Variants in EDA observed in about 807,000 individuals in gnomAD.
EDA encodes the protein ectodysplasin-A.
In EDA, 2 loss-of-function variants were observed where a neutral mutation model predicts 23.6. The observed-to-expected ratio is 0.08, with a 90% CI of 0.03 to 0.27. The LOEUF is 0.27. Ranked by LOEUF, EDA falls within the 10% of genes least tolerant of loss-of-function variation. The pLI, the probability that EDA is intolerant of heterozygous loss-of-function variation, is 1.00. For synonymous variants in EDA, 131 were observed against 132.0 expected (o/e 0.99, Z 0.05); for missense variants, 229 against 324.2 (o/e 0.71, Z 2.26).
At chrX:69,712,856 A>G (rs2012130717) in intron 1 of EDA, among the ~76,000 whole-genome samples, 1 of 111,354 alleles carries the variant, frequency 9.0e-6, no homozygotes, top group Admixed American at 9.5e-5. Flanking sequence ...TGTGCCACAT[A>G]TACACCATGG....
chrX:69,938,064 C>G (rs1569378685), intron 1 of EDA: 1 of 1,100,170 alleles, frequency 9.1e-7, no homozygotes, highest in East Asian at 3.0e-5. Flanking sequence ...AAATGTTATA[C>G]TTGATTGAAG....
chrX:69,784,005 G>C (rs1461520667), intron 1 of EDA, among the ~76,000 whole-genome samples: 2 of 108,018 alleles, frequency 1.9e-5, no homozygotes, highest in Admixed American at 9.9e-5. Context: ...GAGATGGTAT[G>C]TCATTGTGGT....
intron 2 of EDA, among the ~76,000 whole-genome samples, chrX:69,965,413 G>T (rs189275782): frequency 1.9e-3 from 216 of 111,910 alleles, no homozygotes; most frequent in African/African-American, 6.8e-3. Flanking sequence ...AAGGCAATGG[G>T]GAAGTACAGG....
intron 1 of EDA, among the ~76,000 whole-genome samples, chrX:69,652,095 A>G (rs1023813319): frequency 1.8e-5 from 2 of 111,682 alleles, no homozygotes; most frequent in Non-Finnish European, 3.8e-5. Context: ...AGCAGCATTT[A>G]GTACCTGTTT....
chrX:69,973,489 T>C (rs776305604), intron 2 of EDA, among the ~76,000 whole-genome samples: 2 of 111,808 alleles, frequency 1.8e-5, no homozygotes, highest in South Asian at 7.7e-4. Flanking sequence ...ACAGTGTTTC[T>C]TGGGCCTTCA....
At chrX:69,787,035 C>T (rs1276866525) in intron 1 of EDA, among the ~76,000 whole-genome samples, 1 of 102,540 alleles carries the variant, frequency 9.8e-6, no homozygotes, top group African/African-American at 3.4e-5. Context: ...GATCCCTTGA[C>T]CATTATGTAA....
chrX:69,799,004 A>G (rs1337538525), intron 1 of EDA, among the ~76,000 whole-genome samples: 1 of 111,524 alleles, frequency 9.0e-6, no homozygotes, highest in African/African-American at 3.3e-5. Flanking sequence ...AAACAGACAC[A>G]TAGACCAAGG....
intron 1 of EDA, among the ~76,000 whole-genome samples, chrX:69,774,104 A>T (rs1462695899): frequency 1.8e-5 from 2 of 111,748 alleles, no homozygotes; most frequent in African/African-American, 6.5e-5. Flanking sequence ...ATGCCTAGTG[A>T]ATTATGAGTT....
At chrX:69,982,497 T>A (rs2019425245) in intron 2 of EDA, among the ~76,000 whole-genome samples, 1 of 111,756 alleles carries the variant, frequency 8.9e-6, no homozygotes, top group African/African-American at 3.3e-5. Context: ...AATCTCCATC[T>A]CTTCAAGTTT....
At chrX:69,973,933 A>C (rs573450619) in intron 2 of EDA, among the ~76,000 whole-genome samples, 138 of 110,980 alleles carry the variant, frequency 1.2e-3, no homozygotes, top group African/African-American at 4.4e-3. Context: ...ACCTGTAATA[A>C]AGACAAACCT....
At chrX:70,026,064 G>A (rs2020102918) in intron 3 of EDA, among the ~76,000 whole-genome samples, 1 of 112,215 alleles carries the variant, frequency 8.9e-6, no homozygotes, top group Non-Finnish European at 1.9e-5. Context: ...AAGTGTCTGG[G>A]GAGCAAGAAG....
intron 1 of EDA, among the ~76,000 whole-genome samples, chrX:69,690,573 A>G (rs1386380204): frequency 1.8e-5 from 2 of 111,743 alleles, no homozygotes; most frequent in Non-Finnish European, 3.8e-5. Flanking sequence ...GACTATATTC[A>G]TAAGATATAT....
chrX:69,731,546 A>G (rs750827268), intron 1 of EDA, among the ~76,000 whole-genome samples: 1 of 110,208 alleles, frequency 9.1e-6, no homozygotes, highest in South Asian at 4.0e-4. Context: ...GGTTCAAGCA[A>G]TTATCCTGCC....
At chrX:69,736,393 G>C (rs1459489460) in intron 1 of EDA, among the ~76,000 whole-genome samples, 1 of 110,470 alleles carries the variant, frequency 9.1e-6, no homozygotes, top group African/African-American at 3.3e-5. Context: ...GTAGTGGTGC[G>C]ATCTCGGCTC....
In EDA at chrX:70,036,428, A is replaced by C. The variant is rs2020268158; in HGVS notation, c.*819A>C. On this transcript the variant is annotated 3_prime_UTR_variant, in exon 8 of 8. Transcript: ENST00000374552. Reference sequence around the variant, plus strand: ...TGCCCCCATTCCCAGCCTGACTAGAACTCCTGTCTTCTTTCTCCATGGAGC... The same window carrying C: ...TGCCCCCATTCCCAGCCTGACTAGACCTCCTGTCTTCTTTCTCCATGGAGC... 9.0e-6 allele frequency: 1 copy of C among 111,319 alleles called. No homozygotes were observed. Among genetic ancestry groups the C allele is most frequent in the South Asian group, 3.8e-4 (1 of 2,602 alleles). The allele number at this position is 111,319 out of a possible 1,213,427, so 9.2% of individuals were successfully genotyped here.
chrX:69,655,676 A>G (rs1933285623), intron 1 of EDA, among the ~76,000 whole-genome samples: 1 of 100,086 alleles, frequency 1.0e-5, no homozygotes. Flanking sequence ...TATTTTCCCC[A>G]TGTGTCTGAA....
chrX:70,022,561 C>T (rs1017509942), intron 2 of EDA, among the ~76,000 whole-genome samples: 1 of 109,811 alleles, frequency 9.1e-6, no homozygotes, highest in African/African-American at 3.3e-5. Flanking sequence ...TGGTCTTGAT[C>T]TCCTGACCTC....
intron 1 of EDA, among the ~76,000 whole-genome samples, chrX:69,825,496 G>A (rs1350139258): frequency 1.8e-5 from 2 of 111,360 alleles, no homozygotes; most frequent in African/African-American, 3.3e-5. Context: ...AGAGGTGTTT[G>A]TAGTATTCTC....
intron 1 of EDA, among the ~76,000 whole-genome samples, chrX:69,640,768 C>T (rs1462641481): frequency 9.0e-6 from 1 of 111,428 alleles, no homozygotes; most frequent in Non-Finnish European, 1.9e-5. Context: ...ATATGTGTCA[C>T]TGTGATGTAC....
Sources: allele counts gnomAD v4.1 joint callset (sites outside exome capture counted in the v4.1 genomes callset), GRCh38; gene constraint gnomAD v4.1.1; transcripts MANE v1.5; gene names NCBI Gene and HGNC (gene_info 2026-07-23, HGNC 2026-07-21).